SOX2: variants seen among roughly 807,000 people sequenced by gnomAD.
SOX2 encodes transcription factor SOX-2.
Under a neutral mutation model 19.7 loss-of-function variants are expected in SOX2, and 2 were observed. The observed-to-expected ratio is 0.10, with a 90% CI of 0.04 to 0.32. The LOEUF (loss-of-function observed/expected upper bound fraction) is 0.32, where lower values mean the gene tolerates loss of function less well. Among genes scored for constraint, SOX2 ranks in the 10% least tolerant of loss-of-function variants. The pLI is 1.00. For synonymous variants in SOX2, 211 were observed against 196.8 expected, an observed-to-expected ratio of 1.07 and a Z score of -0.60; for missense variants, 294 against 459.9, an observed-to-expected ratio of 0.64 and a Z score of 3.30.
At position 181,713,113 on chromosome 3, in the gene SOX2, C is replaced by A. The variant is rs779819503; in HGVS notation, c.753C>A (p.Ser251Arg). The change falls in exon 1 of 1, where the codon AGC becomes AGA. Residue 251 changes from serine to arginine, a missense_variant. Transcript: ENST00000325404. ...GSVVKSEASS[S>R]PPVVTSSSHS... ...TGGTCAAGTCCGAGGCCAGCTCCAG[C>A]CCCCCTGTGGTTACCTCTTCCTCCC... The A allele has an allele frequency of 6.2e-7, 1 of 1,613,874 alleles. No homozygotes were observed. Among genetic ancestry groups the A allele is most frequent in the Non-Finnish European group, 8.5e-7 (1 of 1,180,022 alleles).
At position 181,713,128 on chromosome 3, in the gene SOX2, C is replaced by G; in HGVS notation, c.768C>G (p.Thr256=). ...CCAGCTCCAGCCCCCCTGTGGTTAC[C>G]TCTTCCTCCCACTCCAGGGCGCCCT... ...SEASSSPPVV[T]SSSHSRAPCQ... The change falls in exon 1 of 1, where the codon ACC becomes ACG. Residue 256 remains threonine (T), a synonymous_variant. Coordinates refer to ENST00000325404, the MANE Select transcript of SOX2 (RefSeq NM_003106.4). 6.2e-7 allele frequency: 1 copy of G among 1,613,802 alleles called. No homozygotes were observed. The highest frequency in any genetic ancestry group is 8.5e-7 in the Non-Finnish European group (1 of 1,180,026).
Position 181,713,198 on chromosome 3 carries a change from G to A in SOX2, c.838G>A (p.Gly280Ser), listed in dbSNP as rs1334384230. 1.2e-6 allele frequency: 2 copies of A among 1,613,012 alleles called. No individual in the cohort carries two copies. The highest frequency in any genetic ancestry group is 1.3e-5 in the African/African-American group (1 of 75,030). ...GGACATGATCAGCATGTATCTCCCC[G>A]GCGCCGAGGTGCCGGAACCCGCCGC... ...LRDMISMYLP[G>S]AEVPEPAAPS... Residue 280 changes from glycine (G) to serine (S), a missense_variant, in exon 1 of 1, where the codon GGC becomes AGC. Physicochemically the swap from Gly to Ser is moderately conservative, Grantham distance 56 (BLOSUM62 0). Around this residue, in one of 3 missense-constraint regions of SOX2, gnomAD observed 223 missense variants for 292.7 expected, o/e 0.76. Transcript: ENST00000325404.
In SOX2 at chr3:181,712,237, C is replaced by G. The variant is rs1355001091; in HGVS notation, c.-124C>G. On this transcript the variant is annotated 5_prime_UTR_variant, in exon 1 of 1. Transcript: ENST00000325404. This position sits in a 1 kb window ranked among gnomAD's most constrained non-coding sequence, Gnocchi z 8.5. ...TTCGCCTGATTTTCCTCGCGGAGCCCTGCGCTCCCGACACCCCCGCCCGCC... is the reference window on the plus strand; with the variant it reads ...TTCGCCTGATTTTCCTCGCGGAGCCGTGCGCTCCCGACACCCCCGCCCGCC... The G allele has an allele frequency of 1.5e-6, 1 of 681,930 alleles. No individual in the cohort carries two copies. Among genetic ancestry groups the G allele is most frequent in the East Asian group, 3.5e-5 (1 of 28,790 alleles). The allele number at this position is 681,930 out of a possible 1,614,324, so 42.2% of individuals were successfully genotyped here.
chr3:181,713,273 G>A lies in SOX2; in HGVS notation c.913G>A (p.Gly305Ser), dbSNP rs1714881452. The A allele has an allele frequency of 1.3e-6, 2 of 1,599,704 alleles. No homozygotes were observed. Among genetic ancestry groups the A allele is most frequent in the Non-Finnish European group, 1.7e-6 (2 of 1,173,646 alleles). ...GCACTACCAGAGCGGCCCGGTGCCCGGCACGGCCATTAACGGCACACTGCC... is the reference window on the plus strand; with the variant it reads ...GCACTACCAGAGCGGCCCGGTGCCCAGCACGGCCATTAACGGCACACTGCC... Reference protein sequence around the residue: ...SQHYQSGPVPGTAINGTLPLS... With the variant: ...SQHYQSGPVPSTAINGTLPLS... The change falls in exon 1 of 1, where the codon GGC (glycine) becomes AGC (serine). Residue 305 changes from glycine (G) to serine (S), a missense_variant. Around this residue, in one of 3 missense-constraint regions of SOX2, gnomAD observed 223 missense variants for 292.7 expected, o/e 0.76. Transcript: ENST00000325404.
chr3:181,713,611 G>A lies in SOX2; in HGVS notation c.*297G>A. ...AGAGAAAACCTGGGGAGGGTGGGGA[G>A]GGCGGGGGAATGGACCTTGTATAGA... On this transcript the variant is annotated 3_prime_UTR_variant, in exon 1 of 1. Coordinates refer to ENST00000325404, the MANE Select transcript of SOX2 (RefSeq NM_003106.4). 1.9e-6 allele frequency: 1 copy of A among 516,692 alleles called. No homozygotes were observed. The highest frequency in any genetic ancestry group is 3.6e-6 in the Non-Finnish European group (1 of 279,202). The allele number at this position is 516,692 out of a possible 1,614,324, so 32.0% of individuals were successfully genotyped here. A position where few individuals can be genotyped will look rare whatever the true frequency, so the allele number is the denominator to read the frequency against.
Position 181,713,569 on chromosome 3 carries a change from G to A in SOX2, c.*255G>A. ...GAGAGAGATCCTGGACTTCTTTTTG[G>A]GGGACTATTTTTGTACAGAGAAAAC... On this transcript the variant is annotated 3_prime_UTR_variant, in exon 1 of 1. Transcript: ENST00000325404. The A allele has an allele frequency of 1.7e-6, 1 of 583,984 alleles. No homozygotes were observed. Among genetic ancestry groups the A allele is most frequent in the Non-Finnish European group, 3.1e-6 (1 of 320,518 alleles). The allele number at this position is 583,984 out of a possible 1,614,324, so 36.2% of individuals were successfully genotyped here.
chr3:181,713,416 C>A lies in SOX2; in HGVS notation c.*102C>A, dbSNP rs2108524132. 7.0e-7 allele frequency: 1 copy of A among 1,419,012 alleles called. No individual in the cohort carries two copies. Among genetic ancestry groups the A allele is most frequent in the Non-Finnish European group, 9.6e-7 (1 of 1,037,034 alleles). 87.9% of individuals were successfully genotyped at this position (1,419,012 alleles called of 1,614,324 possible). A position where few individuals can be genotyped will look rare whatever the true frequency, so the allele number is the denominator to read the frequency against. On this transcript the variant is annotated 3_prime_UTR_variant, in exon 1 of 1. Transcript: ENST00000325404. ...AGTAAGAAACAGCATGGAGAAAACC[C>A]GGTACGCTCAAAAAGAAAAAGGAAA...
rs1209118051 is a variant in SOX2, at chr3:181,713,978, A to G, written c.*664A>G. On this transcript the variant is annotated 3_prime_UTR_variant, in exon 1 of 1. Transcript: ENST00000325404. ...CATTTTAATTGTTTAAAAATTGTAC[A>G]AAAGGAAAAAATTAGAATAAGTACT... 11 of 245,466 alleles carry G rather than the reference A, an allele frequency of 4.5e-5. No individual in the cohort carries two copies. The East Asian group carries it at 6.8e-4, about 15-fold the overall frequency. 15.2% of individuals were successfully genotyped at this position (245,466 alleles called of 1,614,324 possible). A position where few individuals can be genotyped will look rare whatever the true frequency, so the allele number is the denominator to read the frequency against.
rs1371123095 is a variant in SOX2, at chr3:181,712,535, A to G, written c.175A>G (p.Met59Val). The part of the protein sequence containing the change: ...MVWSRGQRRK[M>V]AQENPKMHNS... ...GTGGTCCCGCGGGCAGCGGCGCAAG[A>G]TGGCCCAGGAGAACCCCAAGATGCA... The change falls in exon 1 of 1, where the codon ATG becomes GTG. Residue 59 changes from methionine (M) to valine (V), a missense_variant. By Grantham distance (21) the Met-to-Val change is conservative. Around this residue, in one of 3 missense-constraint regions of SOX2, gnomAD observed 20 missense variants for 112.3 expected, o/e 0.18. Coordinates refer to ENST00000325404, the MANE Select transcript of SOX2 (RefSeq NM_003106.4). This position sits in a 1 kb window ranked among gnomAD's most constrained non-coding sequence, Gnocchi z 8.5. 6.2e-7 allele frequency: 1 copy of G among 1,614,030 alleles called. No homozygotes were observed. The highest frequency in any genetic ancestry group is 8.5e-7 in the Non-Finnish European group (1 of 1,180,016).
At position 181,713,266 on chromosome 3, in the gene SOX2, G is replaced by A. The variant is rs2108523808; in HGVS notation, c.906G>A (p.Pro302=). The A allele has an allele frequency of 6.2e-7, 1 of 1,603,968 alleles. No individual in the cohort carries two copies. Among genetic ancestry groups the A allele is most frequent in the Middle Eastern group, 1.7e-4 (1 of 6,050 alleles). Residue 302 remains proline, a synonymous_variant, in exon 1 of 1, where the codon CCG becomes CCA. Coordinates refer to ENST00000325404, the MANE Select transcript of SOX2 (RefSeq NM_003106.4). The part of the protein sequence containing the change: ...LHMSQHYQSG[P]VPGTAINGTL... ...TGTCCCAGCACTACCAGAGCGGCCC[G>A]GTGCCCGGCACGGCCATTAACGGCA... is the stretch of plus-strand genomic sequence containing the variant.
chr3:181,713,486 A>G lies in SOX2; in HGVS notation c.*172A>G, dbSNP rs1332408809. The stretch of plus-strand genomic sequence containing the variant: ...ACAGCAAATGACAGCTGCAAAAGAG[A>G]ACACCAATCCCATCCACACTCACGC... On this transcript the variant is annotated 3_prime_UTR_variant, in exon 1 of 1. Transcript: ENST00000325404. 8 of 886,352 alleles carry G rather than the reference A, an allele frequency of 9.0e-6. No homozygotes were observed. The highest frequency in any genetic ancestry group is 2.6e-5 in the Admixed American group (1 of 38,400). 54.9% of individuals were successfully genotyped at this position (886,352 alleles called of 1,614,324 possible).
In SOX2 at chr3:181,713,479, A is replaced by G; in HGVS notation, c.*165A>G. ...ATCACCCACAGCAAATGACAGCTGC[A>G]AAAGAGAACACCAATCCCATCCACA... On this transcript the variant is annotated 3_prime_UTR_variant, in exon 1 of 1. Transcript: ENST00000325404. The G allele has an allele frequency of 1.1e-6, 1 of 922,632 alleles. No homozygotes were observed. Among genetic ancestry groups the G allele is most frequent in the Non-Finnish European group, 1.6e-6 (1 of 607,806 alleles). The allele number at this position is 922,632 out of a possible 1,614,324, so 57.2% of individuals were successfully genotyped here.
In SOX2 at chr3:181,712,474, G is replaced by T; in HGVS notation, c.114G>T (p.Pro38=). The change falls in exon 1 of 1, where the codon CCG becomes CCT. Residue 38 remains proline, a synonymous_variant. Coordinates refer to ENST00000325404, the MANE Select transcript of SOX2 (RefSeq NM_003106.4). This position sits in a 1 kb window ranked among gnomAD's most constrained non-coding sequence, Gnocchi z 8.5. ...AAAGGNQKNS[P]DRVKRPMNAF... is the part of the protein sequence containing the mutation. ...CCGGCGGCAACCAGAAAAACAGCCC[G>T]GACCGCGTCAAGCGGCCCATGAATG... 6.2e-7 allele frequency: 1 copy of T among 1,613,644 alleles called. No individual in the cohort carries two copies. Among genetic ancestry groups the T allele is most frequent in the Non-Finnish European group, 8.5e-7 (1 of 1,179,870 alleles).
rs1273454865 is a variant in SOX2 at position 181,711,963 on chromosome 3, G to A, written c.-398G>A. The stretch of plus-strand genomic sequence containing the variant: ...TAACTTGTTCAAAAAAGTATCAGGA[G>A]TTGTCAAGGCAGAGAAGAGAGTGTT... On this transcript the variant is annotated 5_prime_UTR_variant, in exon 1 of 1. Coordinates refer to ENST00000325404, the MANE Select transcript of SOX2 (RefSeq NM_003106.4). 4.1e-6 allele frequency: 1 copy of A among 245,456 alleles called. No homozygotes were observed. Among genetic ancestry groups the A allele is most frequent in the Non-Finnish European group, 7.9e-6 (1 of 127,086 alleles). 15.2% of individuals were successfully genotyped at this position (245,456 alleles called of 1,614,324 possible). A position where few individuals can be genotyped will look rare whatever the true frequency, so the allele number is the denominator to read the frequency against.
Position 181,712,422 on chromosome 3 carries a change from G to GCGGCGGCAACTCCACCGCGGCGGCGGC in SOX2, c.73_99dup (p.Ser25_Asn33dup). On this transcript the variant is annotated inframe_insertion, in exon 1 of 1. Transcript: ENST00000325404. This position sits in a 1 kb window ranked among gnomAD's most constrained non-coding sequence, Gnocchi z 8.5. ...GGCCCGCAGCAAACTTCGGGGGGCG[G>GCGGCGGCAACTCCACCGCGGCGGCGGC]CGGCGGCAACTCCACCGCGGCGGCG... 6.3e-7 allele frequency: 1 copy of GCGGCGGCAACTCCACCGCGGCGGCGGC among 1,598,848 alleles called. No individual in the cohort carries two copies. Among genetic ancestry groups the GCGGCGGCAACTCCACCGCGGCGGCGGC allele is most frequent in the Non-Finnish European group, 8.5e-7 (1 of 1,172,782 alleles).
chr3:181,712,183 CCTCT>C lies in SOX2; in HGVS notation c.-173_-170del, dbSNP rs756000397. Reference sequence around the variant, plus strand: ...TTTTTTTGATCCTGATTCCAGTTTGCCTCTCTCTTTTTTTCCCCCAAATTATTCT... The same window carrying C: ...TTTTTTTGATCCTGATTCCAGTTTGCCTCTTTTTTTCCCCCAAATTATTCT... On this transcript the variant is annotated 5_prime_UTR_variant, in exon 1 of 1. Transcript: ENST00000325404. The surrounding 1 kb of genome is among the most constrained non-coding windows in gnomAD (Gnocchi z 8.5). 8.7e-5 allele frequency: 38 copies of C among 435,508 alleles called. No individual in the cohort carries two copies. The highest frequency in any genetic ancestry group is 1.4e-4 in the Non-Finnish European group (36 of 262,764). 27.0% of individuals were successfully genotyped at this position (435,508 alleles called of 1,614,324 possible).
At position 181,713,517 on chromosome 3, in the gene SOX2, C is replaced by A; in HGVS notation, c.*203C>A. On this transcript the variant is annotated 3_prime_UTR_variant, in exon 1 of 1. Coordinates refer to ENST00000325404, the MANE Select transcript of SOX2 (RefSeq NM_003106.4). The stretch of plus-strand genomic sequence containing the variant: ...AATCCCATCCACACTCACGCAAAAA[C>A]CGCGATGCCGACAAGAAAACTTTTA... The A allele has an allele frequency of 1.5e-6, 1 of 689,068 alleles. No homozygotes were observed. The highest frequency in any genetic ancestry group is 2.5e-6 in the Non-Finnish European group (1 of 406,182). 42.7% of individuals were successfully genotyped at this position (689,068 alleles called of 1,614,324 possible).
At position 181,712,780 on chromosome 3, in the gene SOX2, G is replaced by T. The variant is rs1313960327; in HGVS notation, c.420G>T (p.Ala140=). Residue 140 remains alanine (A), a synonymous_variant, in exon 1 of 1, where the codon GCG becomes GCT. Coordinates refer to ENST00000325404, the MANE Select transcript of SOX2 (RefSeq NM_003106.4). The surrounding 1 kb of genome is among the most constrained non-coding windows in gnomAD (Gnocchi z 8.5). ...TGGCCCCCGGCGGCAATAGCATGGC[G>T]AGCGGGGTCGGGGTGGGCGCCGGCC... The part of the protein sequence containing the change: ...GLLAPGGNSM[A]SGVGVGAGLG... 2.5e-6 allele frequency: 4 copies of T among 1,604,444 alleles called. No homozygotes were observed. Among genetic ancestry groups the T allele is most frequent in the African/African-American group, 2.7e-5 (2 of 74,742 alleles).
Position 181,713,433 on chromosome 3 carries a change from A to G in SOX2, c.*119A>G. 7.6e-7 allele frequency: 1 copy of G among 1,316,240 alleles called. No homozygotes were observed. Among genetic ancestry groups the G allele is most frequent in the Non-Finnish European group, 1.1e-6 (1 of 949,914 alleles). 81.5% of individuals were successfully genotyped at this position (1,316,240 alleles called of 1,614,324 possible). A position where few individuals can be genotyped will look rare whatever the true frequency, so the allele number is the denominator to read the frequency against. ...AGAAAACCCGGTACGCTCAAAAAGA[A>G]AAAGGAAAAAAAAAAATCCCATCAC... On this transcript the variant is annotated 3_prime_UTR_variant, in exon 1 of 1. Transcript: ENST00000325404.
Sources: allele counts gnomAD v4.1 joint callset, GRCh38; gene constraint gnomAD v4.1.1; regional missense constraint gnomAD v4.1.1; non-coding constraint Gnocchi (gnomAD v3.1); transcripts MANE v1.5; gene names NCBI Gene and HGNC (gene_info 2026-07-23, HGNC 2026-07-21).